The following CRACD variants were observed in gnomAD, a reference collection of about 807,000 sequenced individuals.
The protein encoded by CRACD is capping protein-inhibiting regulator of actin dynamics.
In CRACD, 56 loss-of-function variants were observed where a neutral mutation model predicts 106.8. The ratio of observed to expected loss-of-function variants is 0.52; its 90% confidence interval spans 0.42 to 0.66. CRACD has a LOEUF of 0.66. CRACD is among the 30% of genes least tolerant of loss of function. The pLI is 0.00. For missense variants in CRACD, 1,730 were observed against 1,623.2 expected (o/e 1.07, Z -1.13); for synonymous variants, 754 against 670.8 (o/e 1.12, Z -1.92).
intron 1 of CRACD, among the ~76,000 whole-genome samples, chr4:56,118,048 T>C (rs2109850475): frequency 6.6e-6 from 1 of 152,340 alleles, no homozygotes; most frequent in East Asian, 1.9e-4. Flanking sequence ...CATGAGCCAC[T>C]GCGCCCGGCT....
At chr4:56,144,766 T>C (rs1735321304) in intron 1 of CRACD, among the ~76,000 whole-genome samples, 1 of 152,122 alleles carries the variant, frequency 6.6e-6, no homozygotes, top group South Asian at 2.1e-4. Flanking sequence ...GGTGATTTCC[T>C]GTCTCAGCCC....
intron 1 of CRACD, among the ~76,000 whole-genome samples, chr4:56,061,133 G>C (rs1156726387): frequency 1.3e-5 from 2 of 152,152 alleles, no homozygotes; most frequent in African/African-American, 4.8e-5. Flanking sequence ...CTAAGGCCCG[G>C]CTTTTTCTCA....
intron 1 of CRACD, among the ~76,000 whole-genome samples, chr4:56,173,013 C>T (rs1736438230): frequency 6.6e-6 from 1 of 152,226 alleles, no homozygotes; most frequent in Non-Finnish European, 1.5e-5. Context: ...GCCTCGGCCT[C>T]CCAAAGTGTT....
intron 3 of CRACD, among the ~76,000 whole-genome samples, chr4:56,280,397 C>A (rs1375452100): frequency 6.6e-6 from 1 of 152,104 alleles, no homozygotes; most frequent in Non-Finnish European, 1.5e-5. Flanking sequence ...CCATCTCCAC[C>A]TCCTTCCTTT....
At chr4:56,250,875 A>G (rs1419472612) in intron 2 of CRACD, among the ~76,000 whole-genome samples, 2 of 152,206 alleles carry the variant, frequency 1.3e-5, no homozygotes, top group Non-Finnish European at 2.9e-5. Context: ...CCTTGCAACC[A>G]ACTTCATTTA....
chr4:56,133,869 T>C (rs76088915), intron 1 of CRACD, among the ~76,000 whole-genome samples: 1 of 152,144 alleles, frequency 6.6e-6, no homozygotes. Flanking sequence ...AGAAAATGAT[T>C]AATCAGGGCC....
intron 2 of CRACD, among the ~76,000 whole-genome samples, chr4:56,261,804 A>G (rs1222927588): frequency 1.3e-5 from 2 of 152,212 alleles, no homozygotes; most frequent in Non-Finnish European, 2.9e-5. Context: ...AAACAGCCAA[A>G]GAGTTGTGAT....
intron 1 of CRACD, among the ~76,000 whole-genome samples, chr4:56,117,282 A>G (rs527744801): frequency 3.9e-5 from 6 of 152,210 alleles, no homozygotes; most frequent in Admixed American, 3.3e-4. Flanking sequence ...CGGCCTCCCA[A>G]AGTGCTGGGA....
chr4:56,242,198 A>G (rs1740407437), intron 2 of CRACD, among the ~76,000 whole-genome samples: 2 of 152,194 alleles, frequency 1.3e-5, no homozygotes, highest in Non-Finnish European at 2.9e-5. Flanking sequence ...ATCGTTGCCA[A>G]TAAACCTTCT....
chr4:56,098,380 G>A (rs1056107876), intron 1 of CRACD, among the ~76,000 whole-genome samples: 1 of 152,092 alleles, frequency 6.6e-6, no homozygotes, highest in Non-Finnish European at 1.5e-5. Context: ...TTTCATATGC[G>A]ATAGGTAAGT....
intron 3 of CRACD, among the ~76,000 whole-genome samples, chr4:56,292,163 G>A (rs1281487411): frequency 2.6e-5 from 4 of 152,322 alleles, no homozygotes; most frequent in African/African-American, 9.6e-5. Context: ...TGGCTGCATT[G>A]TGTTCATTCC....
chr4:56,157,378 C>T (rs757378081), intron 1 of CRACD, among the ~76,000 whole-genome samples: 20 of 151,954 alleles, frequency 1.3e-4, no homozygotes, highest in South Asian at 8.3e-4. Context: ...ATTATGTCTT[C>T]GTATGATTTT....
At chr4:56,165,751 C>T (rs1430416114) in intron 1 of CRACD, among the ~76,000 whole-genome samples, 1 of 152,170 alleles carries the variant, frequency 6.6e-6, no homozygotes, top group African/African-American at 2.4e-5. Context: ...AACATACATA[C>T]AGAAAAATGT....
In CRACD at chr4:56,125,886, C is replaced by T. The variant is rs567197684; in HGVS notation, c.-335-53398C>T. Among the ~76,000 whole-genome samples the T allele has an allele frequency of 4.6e-5, 7 of 150,752 alleles. No individual in the cohort carries two copies. The East Asian group carries it at 9.8e-4, about 21-fold the overall frequency. ...TCCCAGGTTCAAGTGATTCTCCTGC[C>T]TCAGCCTCCCGAGTAGCTGGGATTA... is the stretch of plus-strand genomic sequence containing the variant. On this transcript the variant is annotated intron_variant, in intron 1 of 10. Coordinates refer to ENST00000682029, the MANE Select transcript of CRACD (RefSeq NM_001393381.1).
chr4:56,195,754 A>G (rs17744943), intron 2 of CRACD, among the ~76,000 whole-genome samples: 36,904 of 152,124 alleles, frequency 0.24, 5,549 homozygotes, highest in Non-Finnish European at 0.32. Flanking sequence ...TGGGAAAATA[A>G]CACAGGAACA....
intron 2 of CRACD, among the ~76,000 whole-genome samples, chr4:56,198,548 A>G (rs1047100952): frequency 6.6e-6 from 1 of 152,232 alleles, no homozygotes; most frequent in Admixed American, 6.5e-5. Flanking sequence ...GTGAAGAAGT[A>G]GAAGCATAAA....
At position 56,147,448 on chromosome 4, in the gene CRACD, C is replaced by G. The variant is rs79176416; in HGVS notation, c.-335-31836C>G. On this transcript the variant is annotated intron_variant, in intron 1 of 10. Coordinates refer to ENST00000682029, the MANE Select transcript of CRACD (RefSeq NM_001393381.1). ...TTCCAACCTCCTTCCACACCTAGCC[C>G]TAGGCAACCACTGACCTACATTCTG... 1.6e-3 allele frequency among the ~76,000 whole-genome samples: 247 copies of G among 152,252 alleles called. 10 individuals are homozygous for G. In the East Asian group the frequency reaches 0.04, roughly 25 times the overall value.
intron 2 of CRACD, among the ~76,000 whole-genome samples, chr4:56,266,386 C>T (rs1742019877): frequency 6.6e-6 from 1 of 152,144 alleles, no homozygotes; most frequent in South Asian, 2.1e-4. Context: ...ACATATTTAA[C>T]CCTTAACTAG....
At chr4:56,193,209 A>G (rs2109460130) in intron 2 of CRACD, among the ~76,000 whole-genome samples, 1 of 152,272 alleles carries the variant, frequency 6.6e-6, no homozygotes, top group African/African-American at 2.4e-5. Flanking sequence ...AGACTTATTC[A>G]TTATCATGAG....
Sources: allele counts gnomAD v4.1 joint callset (sites outside exome capture counted in the v4.1 genomes callset), GRCh38; gene constraint gnomAD v4.1.1; transcripts MANE v1.5; gene names NCBI Gene and HGNC (gene_info 2026-07-23, HGNC 2026-07-21).